Variants in TAFA2 observed in about 807,000 individuals in gnomAD.
TAFA2 encodes TAFA chemokine like family member 2, also known as chemokine-like protein TAFA-2.
A neutral mutation model predicts 18.8 loss-of-function variants in TAFA2; 7 were observed. The observed-to-expected ratio is 0.37, with a 90% CI of 0.21 to 0.70. The LOEUF (loss-of-function observed/expected upper bound fraction) is 0.70. Ranked by LOEUF, TAFA2 falls within the 30% of genes least tolerant of loss-of-function variation. TAFA2 has a pLI of 0.53. For missense variants in TAFA2, 122 were observed against 158.1 expected, an observed-to-expected ratio of 0.77 and a Z score of 1.23; for synonymous variants, 60 against 54.2, an observed-to-expected ratio of 1.11 and a Z score of -0.47.
intron 1 of TAFA2, among the ~76,000 whole-genome samples, chr12:62,075,559 G>C (rs1241627449): frequency 1.3e-5 from 2 of 152,200 alleles, no homozygotes; most frequent in East Asian, 1.9e-4. Flanking sequence ...ACTATAAGGA[G>C]TGAAGCTGCC....
At chr12:61,852,963 A>T (rs747450546) in intron 2 of TAFA2, among the ~76,000 whole-genome samples, 4 of 152,204 alleles carry the variant, frequency 2.6e-5, no homozygotes, top group Non-Finnish European at 5.9e-5. Flanking sequence ...AAGAATAAGT[A>T]CTGCAGATCT....
At chr12:61,832,537 C>T (rs1367665499) in intron 2 of TAFA2, among the ~76,000 whole-genome samples, 2 of 152,056 alleles carry the variant, frequency 1.3e-5, no homozygotes, top group Admixed American at 6.6e-5. Flanking sequence ...TAGGCTTTGT[C>T]CAAATTCCTG....
At chr12:61,846,200 G>C (rs1873398287) in intron 2 of TAFA2, among the ~76,000 whole-genome samples, 1 of 152,104 alleles carries the variant, frequency 6.6e-6, no homozygotes. Flanking sequence ...CTTCATAGGT[G>C]CTGTCACTGT....
chr12:62,012,407 G>C (rs1170382898), intron 1 of TAFA2, among the ~76,000 whole-genome samples: 2 of 63,324 alleles, frequency 3.2e-5, no homozygotes, highest in African/African-American at 1.2e-4. Flanking sequence ...TCATATTTCA[G>C]CATTTAAAAA....
At chr12:61,748,769 G>C (rs902174837) in intron 4 of TAFA2, among the ~76,000 whole-genome samples, 1 of 152,036 alleles carries the variant, frequency 6.6e-6, no homozygotes, top group African/African-American at 2.4e-5. Context: ...AGTTATTACT[G>C]TCATTTAAAT....
intron 1 of TAFA2, among the ~76,000 whole-genome samples, chr12:61,894,429 C>G (rs1227735991): frequency 6.6e-6 from 1 of 152,058 alleles, no homozygotes; most frequent in Non-Finnish European, 1.5e-5. Context: ...TGGATCTACT[C>G]CAAAATATAA....
chr12:62,130,813 T>A (rs989255251), intron 1 of TAFA2, among the ~76,000 whole-genome samples: 1 of 152,002 alleles, frequency 6.6e-6, no homozygotes, highest in Admixed American at 6.6e-5. Flanking sequence ...CATGCCTATT[T>A]TTGGACAAGG....
intron 2 of TAFA2, among the ~76,000 whole-genome samples, chr12:61,771,759 A>G (rs1321969718): frequency 2.0e-5 from 3 of 151,936 alleles, no homozygotes; most frequent in Non-Finnish European, 4.4e-5. Flanking sequence ...TGTAGCATTG[A>G]ATGCCTACAT....
At chr12:61,843,704 T>C (rs1257710487) in intron 2 of TAFA2, among the ~76,000 whole-genome samples, 1 of 152,158 alleles carries the variant, frequency 6.6e-6, no homozygotes, top group Non-Finnish European at 1.5e-5. Context: ...ACCTTCAAGT[T>C]TGGAAGTAGA....
chr12:61,775,056 G>A (rs1392044887), intron 2 of TAFA2, among the ~76,000 whole-genome samples: 4 of 151,752 alleles, frequency 2.6e-5, no homozygotes, highest in Non-Finnish European at 4.4e-5. Flanking sequence ...TGGCAAATAA[G>A]CCTGTGAAAA....
At chr12:62,204,509 G>C (rs943851240) in intron 1 of TAFA2, among the ~76,000 whole-genome samples, 1 of 152,140 alleles carries the variant, frequency 6.6e-6, no homozygotes, top group Non-Finnish European at 1.5e-5. Context: ...ATAGTTCTCG[G>C]AGGTTTTGTT....
chr12:62,237,504 A>G (rs2062843594), intron 1 of TAFA2, among the ~76,000 whole-genome samples: 1 of 152,028 alleles, frequency 6.6e-6, no homozygotes, highest in Admixed American at 6.5e-5. Context: ...TTGATCTGGG[A>G]GCTTACTATT....
rs116976957 is a variant in TAFA2 at position 62,079,298 on chromosome 12, G to A, written c.-2+111961C>T. Among the ~76,000 whole-genome samples the A allele has an allele frequency of 2.6e-5, 4 of 152,136 alleles. No homozygotes were observed. The East Asian group carries it at 5.8e-4, about 22-fold the overall frequency. The stretch of plus-strand genomic sequence containing the variant: ...CAAATATATATTTTATCAATTAATT[G>A]CAAATTAGTTGATATTCCTGATAGG... On this transcript the variant is annotated intron_variant, in intron 1 of 4. Coordinates refer to ENST00000416284, the MANE Select transcript of TAFA2 (RefSeq NM_178539.5).
intron 1 of TAFA2, among the ~76,000 whole-genome samples, chr12:62,096,774 G>A (rs142614506): frequency 6.6e-5 from 10 of 152,188 alleles, no homozygotes; most frequent in Non-Finnish European, 1.5e-4. Context: ...TCACTCTCGT[G>A]CAGTTTGCAA....
intron 2 of TAFA2, among the ~76,000 whole-genome samples, chr12:61,799,036 T>C (rs1387215762): frequency 1.3e-5 from 2 of 152,196 alleles, no homozygotes; most frequent in African/African-American, 4.8e-5. Flanking sequence ...AAAATATAGC[T>C]TCCTTTATCC....
intron 1 of TAFA2, among the ~76,000 whole-genome samples, chr12:61,997,545 T>C (rs185176786): frequency 8.2e-4 from 125 of 152,132 alleles, no homozygotes; most frequent in African/African-American, 2.9e-3. Flanking sequence ...AAAGGAAGTA[T>C]TTGGGGAGTT....
chr12:61,941,388 G>C (rs1878005448), intron 1 of TAFA2, among the ~76,000 whole-genome samples: 1 of 152,192 alleles, frequency 6.6e-6, no homozygotes, highest in Non-Finnish European at 1.5e-5. Flanking sequence ...TACTGGTCTA[G>C]TGAATTAATA....
intron 1 of TAFA2, among the ~76,000 whole-genome samples, chr12:61,991,771 C>T (rs560641391): frequency 6.6e-6 from 1 of 152,304 alleles, no homozygotes; most frequent in Non-Finnish European, 1.5e-5. Flanking sequence ...AATTGGGTTT[C>T]ACTCCCTGCT....
At chr12:61,838,280 G>A (rs1461534797) in intron 2 of TAFA2, among the ~76,000 whole-genome samples, 1 of 151,954 alleles carries the variant, frequency 6.6e-6, no homozygotes, top group Non-Finnish European at 1.5e-5. Context: ...GTTGATCCAA[G>A]GCCTGGATCA....
Sources: gnomAD v4.1 joint callset for allele counts (sites outside exome capture counted in the v4.1 genomes callset) on GRCh38, gnomAD v4.1.1 for gene constraint, MANE v1.5 for transcripts, NCBI Gene and HGNC (gene_info 2026-07-23, HGNC 2026-07-21) for gene names.